DNER: variants seen among roughly 807,000 people sequenced by gnomAD.
The protein encoded by DNER is delta and Notch-like epidermal growth factor-related receptor.
Under a neutral mutation model 78.2 loss-of-function variants are expected in DNER, and 33 were observed. The ratio of observed to expected loss-of-function variants is 0.42; its 90% confidence interval spans 0.32 to 0.56. DNER has a LOEUF of 0.56. Among genes scored for constraint, DNER ranks in the 20% least tolerant of loss-of-function variants. The pLI is 0.11. For synonymous variants in DNER, 417 were observed against 384.8 expected, an observed-to-expected ratio of 1.08 and a Z score of -0.98; for missense variants, 918 against 975.3, an observed-to-expected ratio of 0.94 and a Z score of 0.78.
intron 1 of DNER, among the ~76,000 whole-genome samples, chr2:229,680,204 A>G (rs548997735): frequency 6.6e-6 from 1 of 152,174 alleles, no homozygotes; most frequent in Non-Finnish European, 1.5e-5. Flanking sequence ...TCATCTCAAC[A>G]TATGGTCCCG....
chr2:229,650,630 A>C (rs1015758216), intron 1 of DNER, among the ~76,000 whole-genome samples: 2 of 151,930 alleles, frequency 1.3e-5, no homozygotes, highest in African/African-American at 4.8e-5. Context: ...CCACCACCCC[A>C]AGGGCCCCTA....
In DNER at chr2:229,508,077, A is replaced by C. The variant is rs75657127; in HGVS notation, c.1147+4706T>G. Reference sequence around the variant, plus strand: ...CACATAAACATATGAAGAGGAGTTCAGCATGATTAGTGTTCAGCAGACTAC... The same window carrying C: ...CACATAAACATATGAAGAGGAGTTCCGCATGATTAGTGTTCAGCAGACTAC... On this transcript the variant is annotated intron_variant, in intron 6 of 12. Transcript: ENST00000341772. Among the ~76,000 whole-genome samples the C allele has an allele frequency of 6.5e-3, 992 of 152,328 alleles. 13 individuals are homozygous for C. The highest frequency in any genetic ancestry group is 0.048 in the Middle Eastern group (14 of 294).
intron 11 of DNER, among the ~76,000 whole-genome samples, chr2:229,380,580 T>C (rs1187506377): frequency 1.3e-5 from 2 of 152,188 alleles, no homozygotes; most frequent in Admixed American, 6.5e-5. Flanking sequence ...CTAATTTAAA[T>C]AAGAAGACAA....
intron 5 of DNER, among the ~76,000 whole-genome samples, chr2:229,526,284 C>T (rs960905940): frequency 3.9e-5 from 6 of 152,212 alleles, no homozygotes; most frequent in African/African-American, 1.4e-4. Context: ...AATTTAAGAA[C>T]ATTAACACTG....
intron 9 of DNER, among the ~76,000 whole-genome samples, chr2:229,417,132 G>A (rs1338049782): frequency 6.6e-6 from 1 of 152,098 alleles, no homozygotes; most frequent in Admixed American, 6.5e-5. Context: ...GTCAAGACCT[G>A]GCCCAGCTTC....
rs569915784 is a variant in DNER, at chr2:229,692,764, TC to T, written c.276+21383del. Among the ~76,000 whole-genome samples, 29 of 152,324 alleles carry T rather than the reference TC, an allele frequency of 1.9e-4. No individual in the cohort carries two copies. The East Asian group carries it at 5.6e-3, about 29-fold the overall frequency. On this transcript the variant is annotated intron_variant, in intron 1 of 12. Transcript: ENST00000341772. ...TTAATATTCCACTGTTTCAATTCAT[TC>T]CACATAGTTTTAAACTGAATGGAAT...
intron 7 of DNER, among the ~76,000 whole-genome samples, chr2:229,457,354 A>G (rs1694598161): frequency 6.6e-6 from 1 of 152,114 alleles, no homozygotes; most frequent in Non-Finnish European, 1.5e-5. Flanking sequence ...TAGAAGGAAT[A>G]TACATAACAA....
intron 1 of DNER, among the ~76,000 whole-genome samples, chr2:229,694,317 G>C (rs1364237575): frequency 6.6e-6 from 1 of 152,214 alleles, no homozygotes; most frequent in Non-Finnish European, 1.5e-5. Context: ...GGGAAATGTG[G>C]GGTCAGAGAC....
intron 1 of DNER, among the ~76,000 whole-genome samples, chr2:229,624,615 C>T (rs1419156830): frequency 6.6e-6 from 1 of 152,222 alleles, no homozygotes; most frequent in African/African-American, 2.4e-5. Flanking sequence ...TAGTTCCTGT[C>T]TTAAATAGTA....
chr2:229,669,827 A>G (rs1699177380), intron 1 of DNER, among the ~76,000 whole-genome samples: 2 of 152,242 alleles, frequency 1.3e-5, no homozygotes, highest in Admixed American at 1.3e-4. Flanking sequence ...GAAAGAAGAA[A>G]TGGGAAAAAG....
intron 1 of DNER, among the ~76,000 whole-genome samples, chr2:229,627,424 A>G (rs1698363425): frequency 6.6e-6 from 1 of 152,206 alleles, no homozygotes. Context: ...GACTTTTCCT[A>G]ATTTTTATAA....
chr2:229,422,064 GA>G (rs747899510), intron 8 of DNER, among the ~76,000 whole-genome samples: 67 of 152,098 alleles, frequency 4.4e-4, no homozygotes, highest in African/African-American at 7.9e-4. Context: ...CCTTGGGGGG[GA>G]AAAAAGATAA....
chr2:229,376,295 C>T (rs1692599264), intron 11 of DNER, among the ~76,000 whole-genome samples: 2 of 152,066 alleles, frequency 1.3e-5, no homozygotes, highest in Non-Finnish European at 2.9e-5. Context: ...ATAAAAGAGG[C>T]CCAAGAGAGC....
chr2:229,459,880 G>A (rs924690479), intron 7 of DNER, among the ~76,000 whole-genome samples: 3 of 151,648 alleles, frequency 2.0e-5, no homozygotes, highest in South Asian at 2.1e-4. Context: ...AAAAGAGGCC[G>A]GGCACGGTGG....
chr2:229,614,032 G>C (rs538945091), intron 1 of DNER, among the ~76,000 whole-genome samples: 2 of 151,054 alleles, frequency 1.3e-5, no homozygotes, highest in African/African-American at 4.9e-5. Context: ...GTTGTGGGGT[G>C]GGGGGGAGCG....
intron 1 of DNER, among the ~76,000 whole-genome samples, chr2:229,633,098 A>G (rs1468519738): frequency 6.6e-6 from 1 of 152,224 alleles, no homozygotes; most frequent in African/African-American, 2.4e-5. Context: ...GACATAAGTA[A>G]TCTTTAATTT....
In DNER at chr2:229,552,229, A is replaced by T. The variant is rs114905248; in HGVS notation, c.848-5137T>A. ...ACTCTGGAAGCCCAGTGAACCTCGC[A>T]GCCATGATTCAGGGAAATGCAGACG... On this transcript the variant is annotated intron_variant, in intron 4 of 12. Coordinates refer to ENST00000341772, the MANE Select transcript of DNER (RefSeq NM_139072.4). 2.1e-3 allele frequency among the ~76,000 whole-genome samples: 327 copies of T among 152,328 alleles called. 4 individuals carry two copies. The highest frequency in any genetic ancestry group is 7.5e-3 in the African/African-American group (310 of 41,594).
chr2:229,623,957 T>C (rs72991699), intron 1 of DNER, among the ~76,000 whole-genome samples: 3,248 of 152,312 alleles, frequency 0.021, 45 homozygotes, highest in Middle Eastern at 0.034. Flanking sequence ...AGGCCTCACG[T>C]GAATAACCAA....
intron 4 of DNER, among the ~76,000 whole-genome samples, chr2:229,562,958 C>T (rs1696988681): frequency 6.6e-6 from 1 of 151,182 alleles, no homozygotes; most frequent in Non-Finnish European, 1.5e-5. Context: ...CATCCCACCA[C>T]CATCATCATC....
Sources: allele counts gnomAD v4.1 joint callset (sites outside exome capture counted in the v4.1 genomes callset), GRCh38; gene constraint gnomAD v4.1.1; transcripts MANE v1.5; gene names NCBI Gene and HGNC (gene_info 2026-07-23, HGNC 2026-07-21).